The following KCNJ1 variants were observed in gnomAD, a reference collection of about 807,000 sequenced individuals.
KCNJ1 encodes the protein ATP-sensitive inward rectifier potassium channel 1.
KCNJ1 carries 24 observed loss-of-function variants against 21.9 expected under a neutral mutation model. The observed-to-expected ratio is 1.10, with a 90% CI of 0.79 to 1.54. KCNJ1 has a LOEUF of 1.54. KCNJ1 is among the 40% of genes most tolerant of loss of function. The pLI is 0.00. For synonymous variants in KCNJ1, 152 were observed against 160.9 expected, an observed-to-expected ratio of 0.94 and a Z score of 0.42; for missense variants, 457 against 455.4, an observed-to-expected ratio of 1.00 and a Z score of -0.03.
In KCNJ1 at chr11:128,852,955, C is replaced by T. The variant is rs554766808; in HGVS notation, c.-191-2065G>A. ...TACCTACAAAAGGCCTGCTGACGCA[C>T]TTTCTCTCATTCCTTTCCTTGTTTC... On this transcript the variant is annotated intron_variant, in intron 1 of 2. Coordinates refer to ENST00000392666, the MANE Select transcript of KCNJ1 (RefSeq NM_153766.3). 2.3e-4 allele frequency among the ~76,000 whole-genome samples: 35 copies of T among 152,382 alleles called. No individual in the cohort carries two copies. In the South Asian group the frequency reaches 7.0e-3, roughly 31 times the overall value.
At chr11:128,857,476 T>C (rs931776776) in intron 1 of KCNJ1, among the ~76,000 whole-genome samples, 2 of 152,176 alleles carry the variant, frequency 1.3e-5, no homozygotes, top group Non-Finnish European at 2.9e-5. Context: ...ACTCTAAAAA[T>C]CTTTCTTGAC....
In KCNJ1 at chr11:128,839,826, GAA is replaced by G. The variant is rs762787323; in HGVS notation, c.416_417del (p.Phe139SerfsTer57). The G allele has an allele frequency of 6.2e-7, 1 of 1,614,018 alleles. No homozygotes were observed. Among genetic ancestry groups the G allele is most frequent in the African/African-American group, 1.3e-5 (1 of 74,918 alleles). ...CVTEQCATAI[F>X]LLIFQSILGV... ...CCAAGTATAGACTGAAAGATAAGCA[GAA>G]AAATGGCAGTGGCACACTGTTCTGT... is the stretch of plus-strand genomic sequence containing the variant. On this transcript the variant is annotated frameshift_variant, in exon 3 of 3. Coordinates refer to ENST00000392666, the MANE Select transcript of KCNJ1 (RefSeq NM_153766.3). LOFTEE classifies it high-confidence loss of function.
At chr11:128,861,600 T>A (rs1943708820) in intron 1 of KCNJ1, among the ~76,000 whole-genome samples, 1 of 152,150 alleles carries the variant, frequency 6.6e-6, no homozygotes. Context: ...CCCCTGCTCC[T>A]GGGAGCCACT....
intron 2 of KCNJ1, among the ~76,000 whole-genome samples, chr11:128,845,069 C>G (rs1943355585): frequency 6.6e-6 from 1 of 152,194 alleles, no homozygotes; most frequent in South Asian, 2.1e-4. Flanking sequence ...ACTGCTTTGT[C>G]AACAGTCGAT....
intron 1 of KCNJ1, among the ~76,000 whole-genome samples, chr11:128,861,973 G>A (rs1943717389): frequency 6.6e-6 from 1 of 152,110 alleles, no homozygotes; most frequent in African/African-American, 2.4e-5. Context: ...TTCTCCGGTG[G>A]CTGCCTATTC....
chr11:128,860,672 G>T (rs1461124553), intron 1 of KCNJ1, among the ~76,000 whole-genome samples: 1 of 152,174 alleles, frequency 6.6e-6, no homozygotes, highest in East Asian at 1.9e-4. Flanking sequence ...CTGGAAACAG[G>T]GTGACCCCAA....
At chr11:128,849,537 A>C (rs959372687) in intron 2 of KCNJ1, among the ~76,000 whole-genome samples, 7 of 152,226 alleles carry the variant, frequency 4.6e-5, no homozygotes, top group Non-Finnish European at 1.0e-4. Context: ...TGGAGAGGGC[A>C]GCAGGTACCC....
intron 1 of KCNJ1, among the ~76,000 whole-genome samples, chr11:128,857,102 G>A (rs1943604110): frequency 6.6e-6 from 1 of 152,190 alleles, no homozygotes; most frequent in Middle Eastern, 3.4e-3. Flanking sequence ...CCTCTGCTCT[G>A]CAATGTGCGG....
chr11:128,849,942 T>C (rs1008810237), intron 2 of KCNJ1, among the ~76,000 whole-genome samples: 4 of 152,124 alleles, frequency 2.6e-5, no homozygotes, highest in African/African-American at 9.7e-5. Flanking sequence ...AACCTGCCAG[T>C]GACGATGAGC....
intron 2 of KCNJ1, among the ~76,000 whole-genome samples, chr11:128,849,708 CT>C (rs35939654): frequency 0.033 from 4,997 of 152,186 alleles, 122 homozygotes; most frequent in Middle Eastern, 0.078. Context: ...CAGCATCATA[CT>C]TTTTTTTGGA....
rs1019377913 is a variant in KCNJ1, at chr11:128,838,896, G to A, written c.*229C>T. On this transcript the variant is annotated 3_prime_UTR_variant, in exon 3 of 3. Coordinates refer to ENST00000392666, the MANE Select transcript of KCNJ1 (RefSeq NM_153766.3). ...TTTAAGATTTCAAGAGAGCACCTAT[G>A]TCTTCCATACACCAGTTTCATATAA... The A allele has an allele frequency of 2.1e-5, 12 of 569,262 alleles. No homozygotes were observed. The highest frequency in any genetic ancestry group is 3.1e-5 in the Non-Finnish European group (10 of 321,112). 35.3% of individuals were successfully genotyped at this position (569,262 alleles called of 1,614,324 possible).
chr11:128,851,676 G>T lies in KCNJ1; in HGVS notation c.-191-786C>A, dbSNP rs190460938. On this transcript the variant is annotated intron_variant, in intron 1 of 2. Coordinates refer to ENST00000392666, the MANE Select transcript of KCNJ1 (RefSeq NM_153766.3). ...AACTCAGTCTTTCCAGACCAGAAAG[G>T]AATGGATTCCATGTGGACGGGAGGC... Among the ~76,000 whole-genome samples the T allele has an allele frequency of 4.9e-4, 74 of 152,172 alleles. No individual in the cohort carries two copies. The East Asian group carries it at 0.014, about 28-fold the overall frequency.
intron 1 of KCNJ1, among the ~76,000 whole-genome samples, chr11:128,864,703 T>G (rs1277957467): frequency 1.3e-5 from 2 of 152,144 alleles, no homozygotes; most frequent in Non-Finnish European, 2.9e-5. Flanking sequence ...AAAGGGTCTG[T>G]GCCATTCAAA....
At chr11:128,863,444 G>A (rs1367784864) in intron 1 of KCNJ1, among the ~76,000 whole-genome samples, 2 of 152,186 alleles carry the variant, frequency 1.3e-5, no homozygotes, top group Non-Finnish European at 2.9e-5. Flanking sequence ...ACACAGCACA[G>A]GGCAGATACA....
rs673992 is a variant in KCNJ1 at position 128,838,449 on chromosome 11, T to C, written c.*676A>G. ...GAAATGCTCTTTATAAACAGATTTA[T>C]AGCCCTTTAAGCCATCCAATACAGA... On this transcript the variant is annotated 3_prime_UTR_variant, in exon 3 of 3. Coordinates refer to ENST00000392666, the MANE Select transcript of KCNJ1 (RefSeq NM_153766.3). The C allele has an allele frequency of 0.16, 24,502 of 152,368 alleles. 2,050 individuals are homozygous for C. Among genetic ancestry groups the C allele is most frequent in the South Asian group, 0.3 (1,459 of 4,822 alleles). 9.4% of individuals were successfully genotyped at this position (152,368 alleles called of 1,614,324 possible). A position where few individuals can be genotyped will look rare whatever the true frequency, so the allele number is the denominator to read the frequency against.
intron 1 of KCNJ1, among the ~76,000 whole-genome samples, chr11:128,860,627 A>T (rs1943688664): frequency 6.6e-6 from 1 of 152,206 alleles, no homozygotes; most frequent in South Asian, 2.1e-4. Flanking sequence ...TGTAACCCAC[A>T]TCAGCTGGAC....
intron 2 of KCNJ1, among the ~76,000 whole-genome samples, chr11:128,850,353 C>G (rs1029051533): frequency 6.6e-6 from 1 of 152,176 alleles, no homozygotes; most frequent in Non-Finnish European, 1.5e-5. Context: ...GTGGTATGAA[C>G]AGTAATTTTA....
intron 1 of KCNJ1, among the ~76,000 whole-genome samples, chr11:128,861,724 C>T (rs933254073): frequency 2.9e-4 from 44 of 152,114 alleles, no homozygotes; most frequent in Non-Finnish European, 1.3e-4. Flanking sequence ...AAGCGGCCAC[C>T]GGAACCCCTC....
intron 1 of KCNJ1, among the ~76,000 whole-genome samples, chr11:128,860,013 C>G (rs1943672083): frequency 6.7e-6 from 1 of 148,834 alleles, no homozygotes; most frequent in Non-Finnish European, 1.5e-5. Flanking sequence ...TCCCGCTTAC[C>G]AGCAGCAGCA....
Sources: gnomAD v4.1 joint callset for allele counts (sites outside exome capture counted in the v4.1 genomes callset) on GRCh38, gnomAD v4.1.1 for gene constraint, MANE v1.5 for transcripts, NCBI Gene and HGNC (gene_info 2026-07-23, HGNC 2026-07-21) for gene names.